The following TAF3 variants were observed in gnomAD, a reference collection of about 807,000 sequenced individuals.
TAF3 encodes TATA-box binding protein associated factor 3.
A neutral mutation model predicts 80.6 loss-of-function variants in TAF3; 7 were observed. The ratio of observed to expected loss-of-function variants is 0.09; its 90% CI spans 0.05 to 0.16. TAF3 has a LOEUF of 0.16. Ranked by LOEUF, TAF3 falls within the 10% of genes least tolerant of loss-of-function variation. TAF3 has a pLI of 1.00. For missense variants in TAF3, 921 were observed against 1,140.2 expected, an observed-to-expected ratio of 0.81 and a Z score of 2.77; for synonymous variants, 444 against 446.1, an observed-to-expected ratio of 1.00 and a Z score of 0.06.
Position 7,964,796 on chromosome 10 carries a change from C to T in TAF3, c.1286C>T (p.Pro429Leu), listed in dbSNP as rs758808051. 9.9e-6 allele frequency: 16 copies of T among 1,614,142 alleles called. No homozygotes were observed. Among genetic ancestry groups the T allele is most frequent in the Non-Finnish European group, 1.2e-5 (14 of 1,180,028 alleles). Residue 429 changes from proline (P) to leucine (L), a missense_variant, in exon 3 of 7, where the codon CCG becomes CTG. Pro to Leu is a moderately conservative substitution (Grantham distance 98, BLOSUM62 -3). Transcript: ENST00000344293. The surrounding 1 kb of genome is among the most constrained non-coding windows in gnomAD (Gnocchi z 4.1). ...IFTSPKRISGPECTTPKASTS... is the reference protein window; with the variant it reads ...IFTSPKRISGLECTTPKASTS... ...ACTAGCCCTAAGAGAATTTCAGGCCCGGAGTGTACTACTCCCAAAGCTTCC... is the reference window on the plus strand; with the variant it reads ...ACTAGCCCTAAGAGAATTTCAGGCCTGGAGTGTACTACTCCCAAAGCTTCC...
intron 2 of TAF3, among the ~76,000 whole-genome samples, chr10:7,835,024 G>A (rs760440468): frequency 2.6e-5 from 4 of 152,034 alleles, no homozygotes; most frequent in Non-Finnish European, 2.9e-5. Flanking sequence ...TGTTTCTCTC[G>A]TACTTTCATT....
chr10:7,998,656 T>C (rs1444067077), intron 4 of TAF3, among the ~76,000 whole-genome samples: 1 of 151,926 alleles, frequency 6.6e-6, no homozygotes, highest in Non-Finnish European at 1.5e-5. Flanking sequence ...CTGGCCAACA[T>C]GGTGAAACCC....
chr10:7,844,926 T>G (rs927238635), intron 2 of TAF3, among the ~76,000 whole-genome samples: 1 of 152,204 alleles, frequency 6.6e-6, no homozygotes, highest in Non-Finnish European at 1.5e-5. Flanking sequence ...TATTTTAAAA[T>G]ATTGCAATGT....
At chr10:7,861,796 T>A (rs1564350389) in intron 2 of TAF3, among the ~76,000 whole-genome samples, 2 of 147,618 alleles carry the variant, frequency 1.4e-5, no homozygotes, top group Non-Finnish European at 3.0e-5. Context: ...TTCTTTTTTT[T>A]TCTCAATGCT....
At chr10:7,852,564 A>G (rs1280116797) in intron 2 of TAF3, among the ~76,000 whole-genome samples, 1 of 152,228 alleles carries the variant, frequency 6.6e-6, no homozygotes, top group African/African-American at 2.4e-5. Flanking sequence ...AAATTGGTAT[A>G]GTCGGTTCTA....
At chr10:7,929,559 G>C (rs111348605) in intron 2 of TAF3, among the ~76,000 whole-genome samples, 2,585 of 151,970 alleles carry the variant, frequency 0.017, 80 homozygotes, top group African/African-American at 0.059. Flanking sequence ...CACCACACCC[G>C]GCTAATTTTT....
At chr10:7,951,435 C>T (rs1314683535) in intron 2 of TAF3, among the ~76,000 whole-genome samples, 1 of 152,174 alleles carries the variant, frequency 6.6e-6, no homozygotes, top group Non-Finnish European at 1.5e-5. Flanking sequence ...CTGGGCCACA[C>T]ACTTCATCAC....
rs1459578680 is a variant in TAF3, at chr10:7,977,335, C to T, written c.2315+12C>T. Reference sequence around the variant, plus strand: ...GGCCAAGACAAGATGTAAGTATAAACGTTTTGAATCAGGGTGAAACAAATG... The same window carrying T: ...GGCCAAGACAAGATGTAAGTATAAATGTTTTGAATCAGGGTGAAACAAATG... On this transcript the variant is annotated intron_variant, in intron 4 of 6. Coordinates refer to ENST00000344293, the MANE Select transcript of TAF3 (RefSeq NM_031923.4). 3.7e-6 allele frequency: 6 copies of T among 1,613,288 alleles called. No homozygotes were observed. Among genetic ancestry groups the T allele is most frequent in the Non-Finnish European group, 5.1e-6 (6 of 1,179,374 alleles).
At chr10:7,955,963 A>G (rs1303748908) in intron 2 of TAF3, among the ~76,000 whole-genome samples, 3 of 152,238 alleles carry the variant, frequency 2.0e-5, no homozygotes, top group Non-Finnish European at 4.4e-5. Flanking sequence ...TGTGATTAAA[A>G]GGAATTTGAC....
chr10:7,966,285 G>A (rs1200413854), intron 3 of TAF3, among the ~76,000 whole-genome samples: 1 of 152,118 alleles, frequency 6.6e-6, no homozygotes, highest in South Asian at 2.1e-4. Context: ...TATTCCTTCC[G>A]TTTTCTGCTT....
chr10:7,900,594 A>G (rs534308741), intron 2 of TAF3, among the ~76,000 whole-genome samples: 44 of 152,348 alleles, frequency 2.9e-4, no homozygotes, highest in African/African-American at 7.5e-4. Context: ...GTGGGGCATG[A>G]AATCGAATCT....
intron 2 of TAF3, among the ~76,000 whole-genome samples, chr10:7,915,843 G>A (rs1224864294): frequency 6.6e-6 from 1 of 151,076 alleles, no homozygotes; most frequent in African/African-American, 2.4e-5. Context: ...GCTGGATTTG[G>A]TGGTGGGCAC....
intron 2 of TAF3, among the ~76,000 whole-genome samples, chr10:7,846,173 G>A (rs1053947454): frequency 5.3e-5 from 8 of 151,994 alleles, no homozygotes; most frequent in South Asian, 2.1e-4. Context: ...TAGCCAGGAC[G>A]GTCTCGATCT....
intron 2 of TAF3, among the ~76,000 whole-genome samples, chr10:7,896,081 G>T (rs1341491083): frequency 6.6e-6 from 1 of 152,140 alleles, no homozygotes; most frequent in Non-Finnish European, 1.5e-5. Context: ...GATAGTTGAA[G>T]TAACTGCATC....
chr10:7,995,057 T>C (rs1167176964), intron 4 of TAF3, among the ~76,000 whole-genome samples: 2 of 151,438 alleles, frequency 1.3e-5, no homozygotes, highest in African/African-American at 2.4e-5. Context: ...TCAACAAGAA[T>C]TATATAAAAT....
chr10:7,900,770 T>G (rs771555041), intron 2 of TAF3, among the ~76,000 whole-genome samples: 2 of 152,232 alleles, frequency 1.3e-5, no homozygotes, highest in Non-Finnish European at 1.5e-5. Flanking sequence ...AGTGTTTCAC[T>G]GTTTTACTGA....
chr10:7,850,610 A>G (rs1001259027), intron 2 of TAF3, among the ~76,000 whole-genome samples: 22 of 151,960 alleles, frequency 1.4e-4, no homozygotes, highest in African/African-American at 5.3e-4. Flanking sequence ...CAGGAGGCAG[A>G]GGTTGCAGTG....
intron 2 of TAF3, among the ~76,000 whole-genome samples, chr10:7,957,769 G>A: frequency 7.7e-6 from 1 of 129,080 alleles, no homozygotes; most frequent in Non-Finnish European, 1.7e-5. Context: ...TACACATGCT[G>A]TCTGTCTCAC....
At chr10:7,957,803 C>CTCTCTG (rs1363861257) in intron 2 of TAF3, among the ~76,000 whole-genome samples, 1 of 101,120 alleles carries the variant, frequency 9.9e-6, no homozygotes. Context: ...CGCTCTCTCT[C>CTCTCTG]TCTCTCTCTC....
Sources: gnomAD v4.1 joint callset for allele counts (sites outside exome capture counted in the v4.1 genomes callset) on GRCh38, gnomAD v4.1.1 for gene constraint, Gnocchi (gnomAD v3.1) non-coding constraint, MANE v1.5 for transcripts, NCBI Gene and HGNC (gene_info 2026-07-23, HGNC 2026-07-21) for gene names.